Variants in BEST1 observed in about 807,000 individuals in gnomAD.
BEST1 encodes bestrophin-1.
A neutral mutation model predicts 63.3 loss-of-function variants in BEST1; 58 were observed. The ratio of observed to expected loss-of-function variants is 0.92; its 90% confidence interval spans 0.74 to 1.14. The LOEUF is 1.14. Among genes scored for constraint, BEST1 ranks in the 50% most tolerant of loss-of-function variants. The pLI is 0.00. For synonymous variants in BEST1, 283 were observed against 291.6 expected (o/e 0.97, Z 0.30); for missense variants, 671 against 740.1 (o/e 0.91, Z 1.08).
intron 10 of BEST1, 64 bp from the exon 11 acceptor site, chr11:61,964,040 A>G (rs944617155): frequency 9.3e-6 from 15 of 1,610,512 alleles, no homozygotes; most frequent in African/African-American, 2.7e-5. Context: ...CTACTGCAAC[A>G]TTTTGGTATT....
At position 61,958,475 on chromosome 11, in the gene BEST1, G is replaced by A. The variant is rs762222926; in HGVS notation, c.867+177G>A. 406 of 1,518,246 alleles carry A rather than the reference G, an allele frequency of 2.7e-4. No homozygotes were observed. Among genetic ancestry groups the A allele is most frequent in the Non-Finnish European group, 3.2e-4 (362 of 1,131,680 alleles). 94.0% of individuals were successfully genotyped at this position (1,518,246 alleles called of 1,614,324 possible). The stretch of plus-strand genomic sequence containing the variant: ...CTCGGGAGGCTGAGGCAGGAGAATC[G>A]CTTGAACCCGGGAGGCGGAGGTTGT... On this transcript the variant is annotated intron_variant, in intron 7 of 10. Coordinates refer to ENST00000378043, the MANE Select transcript of BEST1 (RefSeq NM_004183.4).
chr11:61,952,380 C>T (rs1257913750), intron 2 of BEST1, among the ~76,000 whole-genome samples: 2 of 151,520 alleles, frequency 1.3e-5, no homozygotes, highest in African/African-American at 4.8e-5. Context: ...CTCCTAGGCT[C>T]AAGCAATCCC....
At chr11:61,958,562 A>C in intron 7 of BEST1, 6 of 828,870 alleles carry the variant, frequency 7.2e-6, no homozygotes, top group Admixed American at 6.3e-5. Context: ...TCTATCTCAA[A>C]AACAACAACA....
intron 7 of BEST1, chr11:61,959,217 G>T: frequency 3.9e-6 from 2 of 515,030 alleles, no homozygotes; most frequent in South Asian, 2.0e-5. Context: ...TAAGATACAT[G>T]AGGTGAGATA....
rs770495484 is a variant in BEST1, at chr11:61,962,303, G to A, written c.1149G>A (p.Glu383=). The A allele has an allele frequency of 1.2e-6, 2 of 1,614,170 alleles. No homozygotes were observed. The highest frequency in any genetic ancestry group is 2.2e-5 in the East Asian group (1 of 44,880). ...MEFQPNQEDE[E]DAHAGIIGRF... ...TCCAGCCCAATCAGGAGGACGAGGA[G>A]GATGCTCACGCTGGCATCATTGGCC... The change falls in exon 10 of 11, where the codon GAG becomes GAA. Residue 383 remains glutamate (E), a synonymous_variant. Transcript: ENST00000378043.
At chr11:61,956,612 G>C (rs1014288224) in intron 4 of BEST1, among the ~76,000 whole-genome samples, 5 of 152,074 alleles carry the variant, frequency 3.3e-5, no homozygotes, top group African/African-American at 1.2e-4. Flanking sequence ...CGCTAAGATC[G>C]CACCGCTGCA....
intron 7 of BEST1, chr11:61,958,731 A>C: frequency 2.6e-6 from 1 of 390,640 alleles, no homozygotes; most frequent in Non-Finnish European, 4.8e-6. Flanking sequence ...CTCCGAACAG[A>C]TGTTCTGAAT....
Position 61,964,326 on chromosome 11 carries a change from T to TA in BEST1, c.*205dup. On this transcript the variant is annotated 3_prime_UTR_variant, in exon 11 of 11. Coordinates refer to ENST00000378043, the MANE Select transcript of BEST1 (RefSeq NM_004183.4). Reference sequence around the variant, plus strand: ...TTTTATTCATAAAAACTGTGAAAGCTAGACTGAACCATTGGAAACATTTAA... The same window carrying TA: ...TTTTATTCATAAAAACTGTGAAAGCTAAGACTGAACCATTGGAAACATTTAA... 9.9e-7 allele frequency: 1 copy of TA among 1,005,256 alleles called. No homozygotes were observed. Among genetic ancestry groups the TA allele is most frequent in the South Asian group, 1.7e-5 (1 of 60,340 alleles). 62.3% of individuals were successfully genotyped at this position (1,005,256 alleles called of 1,614,324 possible).
rs1239917179 is a variant in BEST1, at chr11:61,962,897, T to C, written c.1739+4T>C. 1.9e-6 allele frequency: 3 copies of C among 1,614,136 alleles called. No individual in the cohort carries two copies. Among genetic ancestry groups the C allele is most frequent in the Non-Finnish European group, 2.5e-6 (3 of 1,179,954 alleles). On this transcript the variant is annotated splice_donor_region_variant and intron_variant, in intron 10 of 10. Transcript: ENST00000378043. ...CTTATTGGGCCTTGGAAAACAGGTC[T>C]GTCCTCCACCTGAACCAGGGGCACT...
chr11:61,951,114 A>C (rs1940610364), intron 1 of BEST1, among the ~76,000 whole-genome samples: 1 of 152,220 alleles, frequency 6.6e-6, no homozygotes, highest in Non-Finnish European at 1.5e-5. Context: ...GCTAACGAAC[A>C]AGATGGGCTG....
chr11:61,958,586 G>A, intron 7 of BEST1: 1 of 730,228 alleles, frequency 1.4e-6, no homozygotes, highest in Non-Finnish European at 2.3e-6. Context: ...ACAAAACAAA[G>A]CCCTAAGGTT....
intron 4 of BEST1, 30 bp from the exon 5 acceptor site, chr11:61,956,814 A>T: frequency 6.2e-7 from 1 of 1,613,678 alleles, no homozygotes; most frequent in Non-Finnish European, 8.5e-7. Context: ...AGGTTCTCCC[A>T]CCCACCGCCT....
intron 4 of BEST1, 43 bp downstream of exon 4, chr11:61,955,994 G>A (rs1565389612): frequency 6.6e-7 from 1 of 1,523,106 alleles, no homozygotes; most frequent in Middle Eastern, 1.9e-4. Context: ...GGCAGAGCCA[G>A]GGGCCGAGAT....
chr11:61,959,800 G>T, intron 8 of BEST1, 92 bp from the exon 9 acceptor site: 1 of 1,550,696 alleles, frequency 6.4e-7, no homozygotes. Flanking sequence ...GAGGTCCAGA[G>T]AGAGGGAGAG....
intron 2 of BEST1, among the ~76,000 whole-genome samples, chr11:61,954,634 C>A (rs536672347): frequency 2.6e-5 from 4 of 152,258 alleles, no homozygotes; most frequent in East Asian, 1.9e-4. Flanking sequence ...CGGCACCCAA[C>A]TAATTTTTTG....
At chr11:61,955,516 CG>C in intron 3 of BEST1, 1 of 1,040,162 alleles carries the variant, frequency 9.6e-7, no homozygotes, top group East Asian at 2.6e-5. Flanking sequence ...GGGGGACCCC[CG>C]GGTGACAGAA....
intron 2 of BEST1, 98 bp downstream of exon 2, chr11:61,952,056 A>C (rs938666072): frequency 3.9e-5 from 55 of 1,420,396 alleles, no homozygotes; most frequent in Non-Finnish European, 5.0e-5. Context: ...CCAGTGTACC[A>C]GTTCACTACA....
intron 2 of BEST1, among the ~76,000 whole-genome samples, chr11:61,952,870 G>A (rs1244820691): frequency 6.6e-6 from 1 of 152,044 alleles, no homozygotes. Context: ...CACTTTGAGG[G>A]GCCAAGGTGC....
chr11:61,959,945 G>C lies in BEST1; in HGVS notation c.1002G>C (p.Pro334=), dbSNP rs372081341. ...EMHQDLPRME[P]DMYWNKPEPQ... ...ACCAGGACCTGCCTCGGATGGAGCC[G>C]GACATGTACTGGAATAAGCCCGAGC... The change falls in exon 9 of 11, where the codon CCG becomes CCC. Residue 334 remains proline (P), a synonymous_variant. Transcript: ENST00000378043. 3 of 1,612,892 alleles carry C rather than the reference G, an allele frequency of 1.9e-6. No homozygotes were observed. The highest frequency in any genetic ancestry group is 3.3e-5 in the Admixed American group (2 of 59,880).
Sources: allele counts gnomAD v4.1 joint callset (sites outside exome capture counted in the v4.1 genomes callset), GRCh38; gene constraint gnomAD v4.1.1; transcripts MANE v1.5; gene names NCBI Gene and HGNC (gene_info 2026-07-23, HGNC 2026-07-21).